Variants in PAK5 observed in about 807,000 individuals in gnomAD.
The protein encoded by PAK5 is serine/threonine-protein kinase PAK 5.
Under a neutral mutation model 65.9 loss-of-function variants are expected in PAK5, and 16 were observed. The observed-to-expected ratio is 0.24, with a 90% CI of 0.16 to 0.37. The LOEUF is 0.37. PAK5 is among the 10% of genes least tolerant of loss of function. The pLI, the probability that PAK5 is intolerant of heterozygous loss-of-function variation, is 1.00. For missense variants in PAK5, 785 were observed against 903.9 expected (o/e 0.87, Z 1.69); for synonymous variants, 371 against 354.9 (o/e 1.05, Z -0.51).
At chr20:9,827,802 C>CA (rs143466524) in intron 1 of PAK5, among the ~76,000 whole-genome samples, 17,125 of 151,796 alleles carry the variant, frequency 0.11, 1,150 homozygotes, top group South Asian at 0.25. Context: ...GGGGCACATG[C>CA]AAAAAATGTT....
At chr20:9,731,303 A>G (rs1028706326) in intron 1 of PAK5, among the ~76,000 whole-genome samples, 1 of 152,206 alleles carries the variant, frequency 6.6e-6, no homozygotes, top group Admixed American at 6.5e-5. Flanking sequence ...GGTGAGTTTA[A>G]TTTTAATAAT....
At chr20:9,544,557 T>TA in intron 7 of PAK5, 63 bp from the exon 8 acceptor site, 1 of 1,460,032 alleles carries the variant, frequency 6.8e-7, no homozygotes. Context: ...GACACGAAAA[T>TA]ACAAACATAC....
At chr20:9,813,561 T>C (rs1158399240) in intron 1 of PAK5, among the ~76,000 whole-genome samples, 1 of 152,090 alleles carries the variant, frequency 6.6e-6, no homozygotes, top group Non-Finnish European at 1.5e-5. Flanking sequence ...ATAGCAGCAG[T>C]GTTTGTAATA....
At chr20:9,790,845 G>C (rs2049042700) in intron 1 of PAK5, among the ~76,000 whole-genome samples, 1 of 152,070 alleles carries the variant, frequency 6.6e-6, no homozygotes, top group East Asian at 1.9e-4. Flanking sequence ...AGTGATGAAA[G>C]GGGAAAGGTA....
chr20:9,559,003 C>A (rs141443907), intron 6 of PAK5, among the ~76,000 whole-genome samples: 1 of 152,262 alleles, frequency 6.6e-6, no homozygotes, highest in East Asian at 1.9e-4. Context: ...TTCCGACTTT[C>A]CCACTTTCCC....
chr20:9,630,985 T>C lies in PAK5; in HGVS notation c.204+13140A>G, dbSNP rs186936716. On this transcript the variant is annotated intron_variant, in intron 3 of 9. Transcript: ENST00000353224. ...TCACAGGTCCATGGATGGAAAGGAA[T>C]TGTGCCCCAACAGCTGTATTTAATA... 8.1e-4 allele frequency among the ~76,000 whole-genome samples: 123 copies of C among 152,292 alleles called. 1 individual carries two copies. The highest frequency in any genetic ancestry group is 2.8e-3 in the African/African-American group (117 of 41,560).
chr20:9,594,139 C>T (rs927377878), intron 3 of PAK5, among the ~76,000 whole-genome samples: 1 of 152,152 alleles, frequency 6.6e-6, no homozygotes, highest in Non-Finnish European at 1.5e-5. Context: ...CAATGGGCAG[C>T]CAAGTTTGGG....
At chr20:9,576,834 T>C (rs1194870510) in intron 4 of PAK5, among the ~76,000 whole-genome samples, 1 of 152,188 alleles carries the variant, frequency 6.6e-6, no homozygotes, top group African/African-American at 2.4e-5. Flanking sequence ...AATTCTTGCC[T>C]TACAGATCTG....
At chr20:9,745,228 T>G (rs1442266024) in intron 1 of PAK5, among the ~76,000 whole-genome samples, 1 of 152,136 alleles carries the variant, frequency 6.6e-6, no homozygotes, top group African/African-American at 2.4e-5. Context: ...TCTTACTAAA[T>G]TGCCATCATT....
chr20:9,726,509 G>A (rs1291854435), intron 1 of PAK5, among the ~76,000 whole-genome samples: 2 of 152,112 alleles, frequency 1.3e-5, no homozygotes, highest in Non-Finnish European at 2.9e-5. Context: ...CTGAAATCCT[G>A]ATAAGAATAA....
chr20:9,568,791 C>T (rs2045726208), intron 4 of PAK5, among the ~76,000 whole-genome samples: 1 of 152,092 alleles, frequency 6.6e-6, no homozygotes, highest in African/African-American at 2.4e-5. Flanking sequence ...ATGATTGCAC[C>T]ACTGCACTCC....
intron 3 of PAK5, among the ~76,000 whole-genome samples, chr20:9,595,812 G>GCATTCCCTTCTGTCTCTTCTTCCTTCCAT: frequency 1.3e-5 from 2 of 152,160 alleles, no homozygotes; most frequent in African/African-American, 4.8e-5. Flanking sequence ...TAGAAAGCTT[G>GCATTCCCTTCTGTCTCTTCTTCCTTCCAT]GCTTTCCTAG....
At chr20:9,594,524 T>C (rs2046229666) in intron 3 of PAK5, among the ~76,000 whole-genome samples, 1 of 152,244 alleles carries the variant, frequency 6.6e-6, no homozygotes, top group Non-Finnish European at 1.5e-5. Context: ...TTCTGAATTA[T>C]GAAGTTTTGC....
chr20:9,545,240 A>C (rs62193591), intron 7 of PAK5, among the ~76,000 whole-genome samples: 1,701 of 152,272 alleles, frequency 0.011, 16 homozygotes, highest in Non-Finnish European at 0.017. Flanking sequence ...AAAAACTTGG[A>C]AATTTCTTTC....
chr20:9,692,651 A>G (rs1370376487), intron 2 of PAK5, among the ~76,000 whole-genome samples: 2 of 152,202 alleles, frequency 1.3e-5, no homozygotes, highest in African/African-American at 2.4e-5. Flanking sequence ...TTAAGTATTC[A>G]TGATGCCTTT....
At chr20:9,706,252 A>G (rs2048005427) in intron 2 of PAK5, among the ~76,000 whole-genome samples, 1 of 152,110 alleles carries the variant, frequency 6.6e-6, no homozygotes, top group East Asian at 1.9e-4. Context: ...ACAAAAACCT[A>G]CTCACTATGC....
chr20:9,544,328 T>A, intron 8 of PAK5, 41 bp downstream of exon 8: 1 of 1,604,372 alleles, frequency 6.2e-7, no homozygotes, highest in Non-Finnish European at 8.5e-7. Context: ...TCCCTGAGCC[T>A]GTCCCCAGTC....
intron 1 of PAK5, among the ~76,000 whole-genome samples, chr20:9,727,361 G>A (rs1211364405): frequency 3.3e-5 from 5 of 152,222 alleles, no homozygotes; most frequent in Non-Finnish European, 5.9e-5. Context: ...TACTGGTGAA[G>A]TTAACCTTCT....
intron 1 of PAK5, among the ~76,000 whole-genome samples, chr20:9,782,888 G>A (rs952423098): frequency 1.3e-5 from 2 of 151,178 alleles, no homozygotes; most frequent in Admixed American, 6.6e-5. Context: ...AGTAGGCATG[G>A]TTGTCTGCTT....
Sources: allele counts gnomAD v4.1 joint callset (sites outside exome capture counted in the v4.1 genomes callset), GRCh38; gene constraint gnomAD v4.1.1; transcripts MANE v1.5; gene names NCBI Gene and HGNC (gene_info 2026-07-23, HGNC 2026-07-21).